SETX: variants seen among roughly 807,000 people sequenced by gnomAD.
SETX encodes the protein senataxin.
Under a neutral mutation model 227.2 loss-of-function variants are expected in SETX, and 90 were observed. The ratio of observed to expected loss-of-function variants is 0.40; its 90% CI spans 0.33 to 0.47. The LOEUF (loss-of-function observed/expected upper bound fraction) is 0.47. Among genes scored for constraint, SETX ranks in the 20% least tolerant of loss-of-function variants. SETX has a pLI of 0.91. For missense variants in SETX, 3,052 were observed against 3,181.5 expected (o/e 0.96, Z 0.98); for synonymous variants, 1,210 against 1,113.2 (o/e 1.09, Z -1.73).
At chr9:132,345,947 AG>A (rs1848260591) in intron 4 of SETX, among the ~76,000 whole-genome samples, 2 of 152,298 alleles carry the variant, frequency 1.3e-5, no homozygotes, top group South Asian at 4.1e-4. Context: ...TGAGCCCAGG[AG>A]GTAGAGGCTG....
intron 10 of SETX, among the ~76,000 whole-genome samples, chr9:132,315,076 C>G (rs1037613128): frequency 4.0e-5 from 6 of 151,832 alleles, no homozygotes; most frequent in African/African-American, 1.5e-4. Context: ...CCACGCCCGG[C>G]TAATTTTTGT....
At chr9:132,287,669 A>C (rs1843993552) in intron 17 of SETX, among the ~76,000 whole-genome samples, 1 of 152,054 alleles carries the variant, frequency 6.6e-6, no homozygotes. Context: ...TCTTTACTAG[A>C]ATATCTTGCC....
intron 23 of SETX, among the ~76,000 whole-genome samples, chr9:132,273,920 A>G (rs1026920257): frequency 8.6e-5 from 13 of 151,958 alleles, no homozygotes; most frequent in African/African-American, 3.1e-4. Context: ...AACGTTAGCT[A>G]TGAGTTTTTT....
intron 19 of SETX, among the ~76,000 whole-genome samples, chr9:132,282,165 A>G (rs1843565985): frequency 6.7e-6 from 1 of 149,474 alleles, no homozygotes. Context: ...CTTGGGAACC[A>G]GCCGTAAGTT....
At chr9:132,297,973 C>T (rs533874076) in intron 13 of SETX, 107 bp downstream of exon 13, 21 of 960,880 alleles carry the variant, frequency 2.2e-5, no homozygotes, top group South Asian at 1.4e-4. Flanking sequence ...AACTGTTCAC[C>T]GTGAACACAT....
rs61338484 is a variant in SETX, at chr9:132,346,010, C to A, written c.388+251G>T. ...CTTCGGCCTAGGAGACACAGCAAGA[C>A]CCTGTCTCTAAAAAAAAATAAAAAC... On this transcript the variant is annotated intron_variant, in intron 4 of 25. Coordinates refer to ENST00000224140, the MANE Select transcript of SETX (RefSeq NM_015046.7). Among the ~76,000 whole-genome samples the A allele has an allele frequency of 6.7e-3, 1,012 of 152,126 alleles. 20 individuals are homozygous for A. The highest frequency in any genetic ancestry group is 0.023 in the African/African-American group (943 of 41,506).
chr9:132,307,858 T>C (rs1845424982), intron 11 of SETX, among the ~76,000 whole-genome samples: 1 of 152,098 alleles, frequency 6.6e-6, no homozygotes, highest in Non-Finnish European at 1.5e-5. Context: ...TTTGTATTTG[T>C]AGTAGAGACG....
intron 18 of SETX, among the ~76,000 whole-genome samples, chr9:132,285,255 G>A (rs1031495993): frequency 6.6e-6 from 1 of 152,064 alleles, no homozygotes; most frequent in African/African-American, 2.4e-5. Flanking sequence ...CAGAAATAGA[G>A]CACCTTATAA....
chr9:132,269,482 A>C, intron 25 of SETX, 133 bp downstream of exon 25: 2 of 1,596,580 alleles, frequency 1.3e-6, no homozygotes, highest in Non-Finnish European at 1.7e-6. Context: ...GCTCCTAGGA[A>C]GAAGTTGCTG....
Position 132,269,621 on chromosome 9 carries a change from G to T in SETX, c.7281C>A (p.Thr2427=). 1 of 1,614,000 alleles carries T rather than the reference G, an allele frequency of 6.2e-7. No individual in the cohort carries two copies. Among genetic ancestry groups the T allele is most frequent in the Non-Finnish European group, 8.5e-7 (1 of 1,179,902 alleles). Reference sequence around the variant, plus strand: ...TGAGCTCTCTGGTACCTACCATCAGGGTCCTCAAATGTCCGAGGATGAAGA... The same window carrying T: ...TGAGCTCTCTGGTACCTACCATCAGTGTCCTCAAATGTCCGAGGATGAAGA... The part of the protein sequence containing the change: ...YSLFILGHLR[T]LMENQHWNQL... The change falls in exon 25 of 26, where the codon ACC becomes ACA. Residue 2427 remains threonine, a synonymous_variant. Coordinates refer to ENST00000224140, the MANE Select transcript of SETX (RefSeq NM_015046.7).
intron 6 of SETX, among the ~76,000 whole-genome samples, chr9:132,335,133 G>C (rs1409625545): frequency 1.3e-5 from 2 of 152,080 alleles, no homozygotes; most frequent in Non-Finnish European, 1.5e-5. Context: ...GCTCACACCT[G>C]TAATCCCAGC....
At chr9:132,331,585 T>A in intron 7 of SETX, 137 bp from the exon 8 acceptor site, 1 of 910,032 alleles carries the variant, frequency 1.1e-6, no homozygotes, top group Non-Finnish European at 1.7e-6. Context: ...TTTAAAGCAG[T>A]GCCGCCACCA....
At chr9:132,295,214 C>A (rs1325074301) in intron 15 of SETX, among the ~76,000 whole-genome samples, 1 of 152,166 alleles carries the variant, frequency 6.6e-6, no homozygotes, top group African/African-American at 2.4e-5. Context: ...AGTTATCCCT[C>A]TAGTGTATTT....
At position 132,327,695 on chromosome 9, in the gene SETX, C is replaced by T. The variant is rs1350664043; in HGVS notation, c.3903G>A (p.Gln1301=). Residue 1301 remains glutamine, a synonymous_variant, in exon 10 of 26, where the codon CAG becomes CAA. Transcript: ENST00000224140. ...ATTGAGCTACATAATCCAAAGACCG[C>T]TGGGACAACTCATATGCCTTACGAG... is the stretch of plus-strand genomic sequence containing the variant. ...KGPRKAYELS[Q]RSLDYVAQLR... 9 of 1,614,008 alleles carry T rather than the reference C, an allele frequency of 5.6e-6. No individual in the cohort carries two copies. The South Asian group carries it at 9.9e-5, about 18-fold the overall frequency.
chr9:132,342,157 T>C (rs747165359), intron 5 of SETX, among the ~76,000 whole-genome samples: 1 of 152,202 alleles, frequency 6.6e-6, no homozygotes, highest in South Asian at 2.1e-4. Flanking sequence ...AAGCACAGAC[T>C]GTCTTACCAC....
At position 132,277,210 on chromosome 9, in the gene SETX, CT is replaced by C. The variant is rs1843212502; in HGVS notation, c.6843-59del. The stretch of plus-strand genomic sequence containing the variant: ...ATAAAGTCAAGATTTAAGAAAATAT[CT>C]TGGTATTACTACAATTTTTTCTGTG... On this transcript the variant is annotated intron_variant, in intron 21 of 25. Coordinates refer to ENST00000224140, the MANE Select transcript of SETX (RefSeq NM_015046.7). 5.5e-5 allele frequency: 81 copies of C among 1,479,004 alleles called. No homozygotes were observed. The South Asian group carries it at 9.1e-4, about 17-fold the overall frequency. The allele number at this position is 1,479,004 out of a possible 1,614,324, so 91.6% of individuals were successfully genotyped here.
intron 11 of SETX, among the ~76,000 whole-genome samples, chr9:132,311,529 A>G (rs1304589494): frequency 1.3e-5 from 2 of 152,062 alleles, no homozygotes; most frequent in Non-Finnish European, 2.9e-5. Context: ...CCCACTGACA[A>G]TTCAGCCTGT....
At chr9:132,352,901 C>G (rs1848674189) in intron 2 of SETX, among the ~76,000 whole-genome samples, 1 of 152,158 alleles carries the variant, frequency 6.6e-6, no homozygotes, top group Non-Finnish European at 1.5e-5. Flanking sequence ...CCTATACGCT[C>G]CTTCTCCCTC....
chr9:132,328,103 A>T lies in SETX; in HGVS notation c.3495T>A (p.Ser1165=). The T allele has an allele frequency of 6.2e-7, 1 of 1,614,020 alleles. No homozygotes were observed. The highest frequency in any genetic ancestry group is 8.5e-7 in the Non-Finnish European group (1 of 1,179,980). The change falls in exon 10 of 26, where the codon TCT becomes TCA. Residue 1165 remains serine (S), a synonymous_variant. Coordinates refer to ENST00000224140, the MANE Select transcript of SETX (RefSeq NM_015046.7). ...CAGGATCTTCAGCCATTGGTTTTTCAGATCGTTTTCTCTTAGGCTTTTTTA... is the reference window on the plus strand; with the variant it reads ...CAGGATCTTCAGCCATTGGTTTTTCTGATCGTTTTCTCTTAGGCTTTTTTA... The part of the protein sequence containing the change: ...IEVKKPKRKR[S]EKPMAEDPVR...
Sources: allele counts gnomAD v4.1 joint callset (sites outside exome capture counted in the v4.1 genomes callset), GRCh38; gene constraint gnomAD v4.1.1; transcripts MANE v1.5; gene names NCBI Gene and HGNC (gene_info 2026-07-23, HGNC 2026-07-21).